Variants in SH3RF1 observed in about 807,000 individuals in gnomAD.
SH3RF1 encodes the protein E3 ubiquitin-protein ligase SH3RF1.
Under a neutral mutation model 74.0 loss-of-function variants are expected in SH3RF1, and 32 were observed. The observed-to-expected ratio is 0.43, with a 90% CI of 0.33 to 0.58. SH3RF1 has a LOEUF of 0.58. Among genes scored for constraint, SH3RF1 ranks in the 20% least tolerant of loss-of-function variants. The pLI is 0.05. For synonymous variants in SH3RF1, 396 were observed against 439.6 expected, an observed-to-expected ratio of 0.90 and a Z score of 1.24; for missense variants, 954 against 1,130.9, an observed-to-expected ratio of 0.84 and a Z score of 2.24.
chr4:169,138,369 C>T (rs1045259298), intron 4 of SH3RF1, among the ~76,000 whole-genome samples: 1 of 152,192 alleles, frequency 6.6e-6, no homozygotes, highest in African/African-American at 2.4e-5. Flanking sequence ...ACTTCATCTC[C>T]TCCATCCCAA....
intron 11 of SH3RF1, among the ~76,000 whole-genome samples, chr4:169,098,929 C>T (rs896738728): frequency 1.3e-5 from 2 of 152,142 alleles, no homozygotes; most frequent in African/African-American, 4.8e-5. Context: ...ATGGCTTAGA[C>T]AAGAGTAGGC....
intron 8 of SH3RF1, among the ~76,000 whole-genome samples, chr4:169,118,218 C>T (rs1048964067): frequency 6.6e-6 from 1 of 152,222 alleles, no homozygotes; most frequent in Non-Finnish European, 1.5e-5. Flanking sequence ...CATGTACATG[C>T]ATGCACACAC....
In SH3RF1 at chr4:169,117,516, TC is replaced by T; in HGVS notation, c.1777+6del. ...CCTGATATGTTCTGGCCTGGGTTCC[TC>T]CTTACCTGTCCTCACAGCATTGCGG... On this transcript the variant is annotated splice_donor_region_variant and intron_variant, in intron 9 of 11. Coordinates refer to ENST00000284637, the MANE Select transcript of SH3RF1 (RefSeq NM_020870.4). 2 of 1,613,476 alleles carry T rather than the reference TC, an allele frequency of 1.2e-6. No homozygotes were observed. Among genetic ancestry groups the T allele is most frequent in the Non-Finnish European group, 1.7e-6 (2 of 1,179,354 alleles).
intron 2 of SH3RF1, among the ~76,000 whole-genome samples, chr4:169,234,197 T>C (rs573271426): frequency 1.3e-5 from 2 of 152,258 alleles, no homozygotes; most frequent in Non-Finnish European, 2.9e-5. Context: ...AATTTTTTTT[T>C]AAATTGTCCC....
chr4:169,236,152 A>G (rs867531917), intron 2 of SH3RF1, among the ~76,000 whole-genome samples: 9 of 152,106 alleles, frequency 5.9e-5, no homozygotes, highest in African/African-American at 1.9e-4. Flanking sequence ...AAACATTACG[A>G]TTCTTCTCTC....
chr4:169,241,072 T>C (rs987780839), intron 2 of SH3RF1, among the ~76,000 whole-genome samples: 1 of 151,930 alleles, frequency 6.6e-6, no homozygotes, highest in Non-Finnish European at 1.5e-5. Flanking sequence ...CTACTAAAAA[T>C]ACAAAAAATT....
At chr4:169,190,087 G>C (rs965176454) in intron 2 of SH3RF1, among the ~76,000 whole-genome samples, 2 of 152,214 alleles carry the variant, frequency 1.3e-5, no homozygotes, top group East Asian at 3.9e-4. Context: ...GTGCCAAGAG[G>C]AAAGTTCATA....
chr4:169,258,970 A>G (rs1731231998), intron 2 of SH3RF1, among the ~76,000 whole-genome samples: 1 of 152,128 alleles, frequency 6.6e-6, no homozygotes, highest in Non-Finnish European at 1.5e-5. Flanking sequence ...TGTATCCCAC[A>G]CTGACACTCT....
chr4:169,126,143 G>A (rs188125737), intron 6 of SH3RF1, among the ~76,000 whole-genome samples: 11 of 152,348 alleles, frequency 7.2e-5, no homozygotes, highest in African/African-American at 2.6e-4. Context: ...TAATGAGATT[G>A]TGAAGTCAGG....
chr4:169,112,522 G>C (rs1420904805), intron 10 of SH3RF1, among the ~76,000 whole-genome samples: 1 of 152,212 alleles, frequency 6.6e-6, no homozygotes, highest in African/African-American at 2.4e-5. Context: ...GATGCTTCAA[G>C]AGGAATAGGA....
At chr4:169,208,058 G>A (rs532511941) in intron 2 of SH3RF1, among the ~76,000 whole-genome samples, 23 of 152,126 alleles carry the variant, frequency 1.5e-4, no homozygotes, top group Non-Finnish European at 2.2e-4. Context: ...GGGGTAGGAT[G>A]CTATGCACTA....
intron 9 of SH3RF1, among the ~76,000 whole-genome samples, chr4:169,117,053 T>C (rs1037014110): frequency 6.6e-6 from 1 of 152,198 alleles, no homozygotes; most frequent in Non-Finnish European, 1.5e-5. Context: ...AAGCCTTTAG[T>C]TTACCCCTCA....
chr4:169,211,458 G>A lies in SH3RF1; in HGVS notation c.394-54779C>T, dbSNP rs1730365141. 2.0e-5 allele frequency among the ~76,000 whole-genome samples: 3 copies of A among 148,414 alleles called. No homozygotes were observed. The South Asian group carries it at 6.4e-4, about 32-fold the overall frequency. On this transcript the variant is annotated intron_variant, in intron 2 of 11. Coordinates refer to ENST00000284637, the MANE Select transcript of SH3RF1 (RefSeq NM_020870.4). ...GATTGGGCCACTGTACTCCAGCCTG[G>A]GCAACAGAGCGAGACTCCGTCTCAA...
At chr4:169,177,285 T>A (rs1246389461) in intron 2 of SH3RF1, among the ~76,000 whole-genome samples, 1 of 152,176 alleles carries the variant, frequency 6.6e-6, no homozygotes, top group African/African-American at 2.4e-5. Context: ...GCCCTTCAAT[T>A]TCAAATTTTT....
chr4:169,168,558 G>C (rs1366338255), intron 2 of SH3RF1, among the ~76,000 whole-genome samples: 3 of 152,224 alleles, frequency 2.0e-5, no homozygotes, highest in Non-Finnish European at 2.9e-5. Context: ...TACACAAAGA[G>C]AGTAAGTCTG....
chr4:169,265,301 C>T (rs554681134), intron 2 of SH3RF1, among the ~76,000 whole-genome samples: 9 of 152,178 alleles, frequency 5.9e-5, no homozygotes, highest in East Asian at 1.9e-4. Context: ...AATAAAGCAA[C>T]GAATAAACTA....
chr4:169,117,963 AGGTCTT>A lies in SH3RF1; in HGVS notation c.1518-187_1518-182del, dbSNP rs1184281964. ...ACGTAATGATGGCTGAGACAGAGAAAGGTCTTGAAATATATTCTGAGTCACCAGAAA... is the reference window on the plus strand; with the variant it reads ...ACGTAATGATGGCTGAGACAGAGAAAGAAATATATTCTGAGTCACCAGAAA... On this transcript the variant is annotated intron_variant, in intron 8 of 11. Coordinates refer to ENST00000284637, the MANE Select transcript of SH3RF1 (RefSeq NM_020870.4). Among the ~76,000 whole-genome samples the A allele has an allele frequency of 5.3e-5, 8 of 152,376 alleles. No homozygotes were observed. The East Asian group carries it at 1.5e-3, about 29-fold the overall frequency.
intron 2 of SH3RF1, among the ~76,000 whole-genome samples, chr4:169,224,391 C>T (rs966626640): frequency 6.6e-6 from 1 of 150,930 alleles, no homozygotes; most frequent in Non-Finnish European, 1.5e-5. Flanking sequence ...GATCTTGGCT[C>T]ACTGCAACCT....
intron 2 of SH3RF1, among the ~76,000 whole-genome samples, chr4:169,250,460 C>CTGAA: frequency 6.6e-6 from 1 of 152,328 alleles, no homozygotes; most frequent in Admixed American, 6.5e-5. Flanking sequence ...ATTTAAACAT[C>CTGAA]TGAATGAATA....
Sources: allele counts gnomAD v4.1 joint callset (sites outside exome capture counted in the v4.1 genomes callset), GRCh38; gene constraint gnomAD v4.1.1; transcripts MANE v1.5; gene names NCBI Gene and HGNC (gene_info 2026-07-23, HGNC 2026-07-21).